The following PTPRT variants were observed in gnomAD, a reference collection of about 807,000 sequenced individuals.
PTPRT encodes protein tyrosine phosphatase receptor type T.
A neutral mutation model predicts 176.8 loss-of-function variants in PTPRT; 56 were observed. The ratio of observed to expected loss-of-function variants is 0.32; its 90% confidence interval spans 0.26 to 0.40. The LOEUF is 0.40. Among genes scored for constraint, PTPRT ranks in the 10% least tolerant of loss-of-function variants. The pLI, the probability that PTPRT is intolerant of heterozygous loss-of-function variation, is 1.00. For missense variants in PTPRT, 1,540 were observed against 1,908.2 expected, an observed-to-expected ratio of 0.81 and a Z score of 3.60; for synonymous variants, 783 against 739.0, an observed-to-expected ratio of 1.06 and a Z score of -0.96.
At chr20:42,258,240 C>G (rs565575555) in intron 13 of PTPRT, among the ~76,000 whole-genome samples, 2 of 152,268 alleles carry the variant, frequency 1.3e-5, no homozygotes, top group East Asian at 3.9e-4. Flanking sequence ...AAGATTATCT[C>G]CTCTCATGCC....
chr20:42,620,060 A>T (rs1286014201), intron 7 of PTPRT, among the ~76,000 whole-genome samples: 3 of 148,216 alleles, frequency 2.0e-5, no homozygotes, highest in Non-Finnish European at 4.5e-5. Context: ...TTTTTTCCCC[A>T]TCTTTGTGGT....
intron 14 of PTPRT, among the ~76,000 whole-genome samples, chr20:42,243,179 G>T (rs1300829293): frequency 8.5e-5 from 13 of 152,138 alleles, no homozygotes. Flanking sequence ...TCTGTTTGTT[G>T]ATGGGATAGG....
chr20:42,791,078 A>C, intron 3 of PTPRT, 117 bp downstream of exon 3: 1 of 1,291,332 alleles, frequency 7.7e-7, no homozygotes, highest in Non-Finnish European at 1.0e-6. Context: ...GAGGAGAAGC[A>C]CAGTAAACAC....
At chr20:42,669,585 G>C (rs559467702) in intron 7 of PTPRT, among the ~76,000 whole-genome samples, 1 of 152,274 alleles carries the variant, frequency 6.6e-6, no homozygotes, top group South Asian at 2.1e-4. Context: ...GCCAAGTTAT[G>C]TTCCTCCCAT....
chr20:42,223,441 C>T (rs112074070), intron 15 of PTPRT, among the ~76,000 whole-genome samples: 175 of 152,310 alleles, frequency 1.1e-3, no homozygotes, highest in Non-Finnish European at 1.9e-3. Context: ...CGCTACAATG[C>T]TGCTTCCAGG....
At position 42,756,651 on chromosome 20, in the gene PTPRT, AAG is replaced by A. The variant is rs748823550; in HGVS notation, c.685-17_685-16del. 6 of 1,552,718 alleles carry A rather than the reference AAG, an allele frequency of 3.9e-6. No individual in the cohort carries two copies. In the Admixed American group the frequency reaches 9.3e-5, roughly 24 times the overall value. On this transcript the variant is annotated splice_polypyrimidine_tract_variant and intron_variant, in intron 5 of 30. Coordinates refer to ENST00000373187, the MANE Select transcript of PTPRT (RefSeq NM_007050.6). ...CCATTCCATTGCTGCAGAACAGAGGAAGAGAGGGAGAGGAGGAATCATAGCAT... is the reference window on the plus strand; with the variant it reads ...CCATTCCATTGCTGCAGAACAGAGGAAGAGGGAGAGGAGGAATCATAGCAT...
chr20:42,590,662 T>G (rs953205082), intron 7 of PTPRT, among the ~76,000 whole-genome samples: 18 of 152,212 alleles, frequency 1.2e-4, no homozygotes, highest in Middle Eastern at 6.8e-3. Context: ...ATTGTTTAAT[T>G]GAGTCTTCAG....
At chr20:42,166,002 A>G (rs1600619325) in intron 16 of PTPRT, among the ~76,000 whole-genome samples, 1 of 152,372 alleles carries the variant, frequency 6.6e-6, no homozygotes, top group East Asian at 1.9e-4. Flanking sequence ...CACAAAAATT[A>G]TTAATGCTAT....
chr20:42,668,031 G>T (rs1171237114), intron 7 of PTPRT, among the ~76,000 whole-genome samples: 3 of 152,168 alleles, frequency 2.0e-5, no homozygotes, highest in African/African-American at 7.2e-5. Flanking sequence ...TCAGTCTCTG[G>T]AACTTCTAAG....
At chr20:42,707,496 AT>A (rs1362988507) in intron 6 of PTPRT, among the ~76,000 whole-genome samples, 1 of 152,200 alleles carries the variant, frequency 6.6e-6, no homozygotes, top group Non-Finnish European at 1.5e-5. Context: ...GAACATTTTT[AT>A]TTGAGAGACA....
chr20:42,154,221 T>C (rs1294360151), intron 17 of PTPRT, among the ~76,000 whole-genome samples: 2 of 152,162 alleles, frequency 1.3e-5, no homozygotes, highest in African/African-American at 4.8e-5. Context: ...GGGTTGCCTG[T>C]GGTGGGATAT....
intron 8 of PTPRT, among the ~76,000 whole-genome samples, chr20:42,456,389 T>C (rs1318177755): frequency 2.0e-5 from 3 of 152,084 alleles, no homozygotes; most frequent in Non-Finnish European, 4.4e-5. Context: ...TCTTCAATGA[T>C]AGCCACCAAT....
intron 1 of PTPRT, among the ~76,000 whole-genome samples, chr20:43,160,919 T>C (rs978785325): frequency 2.7e-4 from 39 of 143,404 alleles, no homozygotes; most frequent in Admixed American, 2.4e-3. Context: ...GAATTTTCTT[T>C]AAAAAAAAAA....
At chr20:42,586,657 T>C (rs2073476290) in intron 7 of PTPRT, among the ~76,000 whole-genome samples, 1 of 152,222 alleles carries the variant, frequency 6.6e-6, no homozygotes, top group Non-Finnish European at 1.5e-5. Context: ...CCGTTGGCAT[T>C]GGCATTTATA....
chr20:42,132,428 C>A (rs925416944), intron 18 of PTPRT, among the ~76,000 whole-genome samples: 5 of 152,102 alleles, frequency 3.3e-5, no homozygotes, highest in Non-Finnish European at 7.4e-5. Context: ...ACACGTATCT[C>A]AGAAAGGACT....
At chr20:43,160,929 A>AG (rs1456171636) in intron 1 of PTPRT, among the ~76,000 whole-genome samples, 1 of 151,726 alleles carries the variant, frequency 6.6e-6, no homozygotes, top group African/African-American at 2.4e-5. Context: ...TAAAAAAAAA[A>AG]AAAACGTAGA....
chr20:42,455,811 T>C (rs2145874967), intron 8 of PTPRT, among the ~76,000 whole-genome samples: 1 of 152,274 alleles, frequency 6.6e-6, no homozygotes, highest in South Asian at 2.1e-4. Context: ...CCTGTGTCAA[T>C]ACCACATCTT....
rs182271079 is a variant in PTPRT, at chr20:42,692,525, G to T, written c.860-14366C>A. On this transcript the variant is annotated intron_variant, in intron 6 of 30. Transcript: ENST00000373187. ...TCATGATAAAACTTTTAGAAAACTA[G>T]AAATAGAAGGAAAGTCCTATAATCT... Among the ~76,000 whole-genome samples, 554 of 152,194 alleles carry T rather than the reference G, an allele frequency of 3.6e-3. 12 individuals are homozygous for T. The highest frequency in any genetic ancestry group is 0.033 in the Admixed American group (499 of 15,286).
At chr20:42,846,345 G>A (rs1207951106) in intron 2 of PTPRT, among the ~76,000 whole-genome samples, 1 of 146,530 alleles carries the variant, frequency 6.8e-6, no homozygotes, top group Non-Finnish European at 1.5e-5. Flanking sequence ...TCTGAGGAGA[G>A]CTCAGCAAAA....
Sources: gnomAD v4.1 joint callset for allele counts (sites outside exome capture counted in the v4.1 genomes callset) on GRCh38, gnomAD v4.1.1 for gene constraint, MANE v1.5 for transcripts, NCBI Gene and HGNC (gene_info 2026-07-23, HGNC 2026-07-21) for gene names.